NIPAL3: variants seen among roughly 807,000 people sequenced by gnomAD.
The protein encoded by NIPAL3 is NIPA like domain containing 3, also known as NIPA-like protein 3.
Under a neutral mutation model 47.2 loss-of-function variants are expected in NIPAL3, and 41 were observed. The ratio of observed to expected loss-of-function variants is 0.87; its 90% CI spans 0.68 to 1.13. The LOEUF (loss-of-function observed/expected upper bound fraction) is 1.13. NIPAL3 is among the 50% of genes most tolerant of loss of function. The pLI is 0.00. For synonymous variants in NIPAL3, 194 were observed against 209.6 expected (o/e 0.93, Z 0.64); for missense variants, 449 against 530.1 (o/e 0.85, Z 1.50).
chr1:24,436,457 T>C (rs1016283901), intron 2 of NIPAL3, among the ~76,000 whole-genome samples: 4 of 152,038 alleles, frequency 2.6e-5, no homozygotes, highest in African/African-American at 9.7e-5. Flanking sequence ...TTGTCTGCCT[T>C]CTTCTCTCTG....
At chr1:24,433,370 TG>T (rs1412887398) in intron 2 of NIPAL3, among the ~76,000 whole-genome samples, 1 of 152,078 alleles carries the variant, frequency 6.6e-6, no homozygotes, top group African/African-American at 2.4e-5. Context: ...AGGCCACAAA[TG>T]GGTTGAGGGG....
At chr1:24,468,876 C>T in intron 11 of NIPAL3, 110 bp from the exon 12 acceptor site, 3 of 958,450 alleles carry the variant, frequency 3.1e-6, no homozygotes, top group Non-Finnish European at 4.8e-6. Flanking sequence ...TGACAATGCA[C>T]ATGATTAGCT....
In NIPAL3 at chr1:24,458,887, G is replaced by A; in HGVS notation, c.774-1G>A. ...CTGACTGGAGTGCTTTTGTGTTGAA[G>A]GTTTTTGAGTCAAGCCTCACAGATG... On this transcript the variant is annotated splice_acceptor_variant, in intron 8 of 11. Coordinates refer to ENST00000374399, the MANE Select transcript of NIPAL3 (RefSeq NM_020448.5). LOFTEE classifies it high-confidence loss of function. 1 of 1,613,918 alleles carries A rather than the reference G, an allele frequency of 6.2e-7. No homozygotes were observed. Among genetic ancestry groups the A allele is most frequent in the Non-Finnish European group, 8.5e-7 (1 of 1,179,820 alleles).
intron 2 of NIPAL3, among the ~76,000 whole-genome samples, chr1:24,426,960 C>G (rs2148764273): frequency 6.6e-6 from 1 of 152,310 alleles, no homozygotes; most frequent in Middle Eastern, 3.4e-3. Flanking sequence ...GCTTAAGGGA[C>G]AAAGTCACTG....
rs117938741 is a variant in NIPAL3, at chr1:24,456,220, C to T, written c.720C>T (p.Pro240=). ...SIQGNLQLDY[P]IFYVMFVCMV... ...AAGGGAACCTGCAGCTTGACTACCC[C>T]ATCTTCTACGTGATGTTCGTGTGCA... The change falls in exon 8 of 12, where the codon CCC becomes CCT. Residue 240 remains proline, a synonymous_variant. Transcript: ENST00000374399. 2,295 of 1,614,226 alleles carry T rather than the reference C, an allele frequency of 1.4e-3. 67 individuals carry two copies. The East Asian group carries it at 0.042, about 29-fold the overall frequency.
intron 2 of NIPAL3, among the ~76,000 whole-genome samples, chr1:24,430,872 C>T (rs1439405928): frequency 1.3e-5 from 2 of 152,104 alleles, no homozygotes; most frequent in African/African-American, 4.8e-5. Flanking sequence ...CTTTAATGCA[C>T]ATATATTTTT....
Position 24,415,829 on chromosome 1 carries a change from G to C in NIPAL3, c.-333G>C. 1 of 985,460 alleles carries C rather than the reference G, an allele frequency of 1.0e-6. No individual in the cohort carries two copies. Among genetic ancestry groups the C allele is most frequent in the East Asian group, 1.1e-4 (1 of 8,816 alleles). The allele number at this position is 985,460 out of a possible 1,614,324, so 61.0% of individuals were successfully genotyped here. A position where few individuals can be genotyped will look rare whatever the true frequency, so the allele number is the denominator to read the frequency against. On this transcript the variant is annotated 5_prime_UTR_variant, in exon 1 of 12. Coordinates refer to ENST00000374399, the MANE Select transcript of NIPAL3 (RefSeq NM_020448.5). ...ATTGGGAAGGGATGAAGGAGGCTGTGCCTCCGGGTTGCACGAAGAGTCCGA... is the reference window on the plus strand; with the variant it reads ...ATTGGGAAGGGATGAAGGAGGCTGTCCCTCCGGGTTGCACGAAGAGTCCGA...
chr1:24,425,319 AT>A (rs56889050), intron 2 of NIPAL3, among the ~76,000 whole-genome samples: 40,727 of 151,762 alleles, frequency 0.27, 5,688 homozygotes, highest in East Asian at 0.45. Flanking sequence ...TTTTTTTGCG[AT>A]TTTTTTTAAG....
At chr1:24,461,483 G>C (rs1366710237) in intron 10 of NIPAL3, among the ~76,000 whole-genome samples, 3 of 146,696 alleles carry the variant, frequency 2.0e-5, no homozygotes, top group Non-Finnish European at 3.0e-5. Context: ...CGGAGGTTGT[G>C]GTGACCCGAG....
chr1:24,459,549 A>G (rs1249345105), intron 9 of NIPAL3, among the ~76,000 whole-genome samples: 1 of 152,222 alleles, frequency 6.6e-6, no homozygotes, highest in African/African-American at 2.4e-5. Context: ...ATAGGTGACT[A>G]AAATCTTCAG....
intron 6 of NIPAL3, among the ~76,000 whole-genome samples, chr1:24,450,070 G>C (rs968283145): frequency 1.3e-5 from 2 of 152,234 alleles, no homozygotes; most frequent in African/African-American, 4.8e-5. Flanking sequence ...TATTCACACA[G>C]TGGATCACTG....
chr1:24,415,754 C>G (rs1002233720), upstream of NIPAL3: 55 of 842,702 alleles, frequency 6.5e-5, no homozygotes, highest in Admixed American at 1.9e-3. Flanking sequence ...TCTGGCAAAT[C>G]AAATCGCGAC....
intron 10 of NIPAL3, among the ~76,000 whole-genome samples, chr1:24,462,609 A>G (rs568720005): frequency 1.1e-4 from 17 of 152,120 alleles, no homozygotes; most frequent in African/African-American, 3.4e-4. Flanking sequence ...TCTACTAAAA[A>G]TACAAAAATT....
At position 24,442,088 on chromosome 1, in the gene NIPAL3, G is replaced by A; in HGVS notation, c.196G>A (p.Asp66Asn). Residue 66 changes from aspartate (D) to asparagine (N), a missense_variant, in exon 4 of 12, where the codon GAT becomes AAT. Asp to Asn is a conservative substitution (Grantham distance 23). Coordinates refer to ENST00000374399, the MANE Select transcript of NIPAL3 (RefSeq NM_020448.5). Reference protein sequence around the residue: ...YCHIRLAGSKDPRAYFKTKTW... With the variant: ...YCHIRLAGSKNPRAYFKTKTW... The stretch of plus-strand genomic sequence containing the variant: ...CCACATCCGCCTGGCAGGCTCCAAG[G>A]ATCCCCGGGCCTATTTCAAGACCAA... 1 of 1,614,104 alleles carries A rather than the reference G, an allele frequency of 6.2e-7. No homozygotes were observed. Among genetic ancestry groups the A allele is most frequent in the Non-Finnish European group, 8.5e-7 (1 of 1,179,986 alleles).
intron 2 of NIPAL3, chr1:24,420,166 A>G (rs1288055600): frequency 6.6e-6 from 1 of 152,286 alleles, no homozygotes; most frequent in Non-Finnish European, 1.5e-5. Context: ...GTATAGAATA[A>G]AAGGAATGCA....
At position 24,419,578 on chromosome 1, in the gene NIPAL3, C is replaced by T; in HGVS notation, c.31C>T (p.Leu11=). The change falls in exon 2 of 12, where the codon CTG becomes TTG. Residue 11 remains leucine (L), a synonymous_variant. Coordinates refer to ENST00000374399, the MANE Select transcript of NIPAL3 (RefSeq NM_020448.5). The part of the protein sequence containing the change: MDGSHSAALK[L]QQLPPTSSSS... ...CGGATCCCACAGCGCAGCCCTGAAG[C>T]TGCAGCAGCTGCCTCCCACAAGTAG... 1 of 1,614,046 alleles carries T rather than the reference C, an allele frequency of 6.2e-7. No individual in the cohort carries two copies. Among genetic ancestry groups the T allele is most frequent in the Non-Finnish European group, 8.5e-7 (1 of 1,179,950 alleles).
intron 3 of NIPAL3, among the ~76,000 whole-genome samples, chr1:24,441,316 T>A (rs1645373175): frequency 1.3e-5 from 2 of 152,180 alleles, no homozygotes. Context: ...CTTAGCTACT[T>A]GTCTGGTTCA....
chr1:24,457,223 C>G (rs182141078), intron 8 of NIPAL3, among the ~76,000 whole-genome samples: 1 of 152,304 alleles, frequency 6.6e-6, no homozygotes, highest in Admixed American at 6.5e-5. Flanking sequence ...AGTATATCAC[C>G]TCCAAATCTT....
chr1:24,420,503 G>A (rs1171209112), intron 2 of NIPAL3, among the ~76,000 whole-genome samples: 1 of 150,594 alleles, frequency 6.6e-6, no homozygotes, highest in African/African-American at 2.4e-5. Context: ...AGACCCTGAT[G>A]CCAAAAAAAA....
Sources: gnomAD v4.1 joint callset for allele counts (sites outside exome capture counted in the v4.1 genomes callset) on GRCh38, gnomAD v4.1.1 for gene constraint, MANE v1.5 for transcripts, NCBI Gene and HGNC (gene_info 2026-07-23, HGNC 2026-07-21) for gene names.